Variants in EXOC5 observed in about 807,000 individuals in gnomAD.
EXOC5 encodes exocyst complex component 5.
A neutral mutation model predicts 90.8 loss-of-function variants in EXOC5; 17 were observed. The ratio of observed to expected loss-of-function variants is 0.19; its 90% confidence interval spans 0.13 to 0.28. EXOC5 has a LOEUF of 0.28. Among genes scored for constraint, EXOC5 ranks in the 10% least tolerant of loss-of-function variants. The pLI is 1.00. For missense variants in EXOC5, 569 were observed against 830.6 expected (o/e 0.69, Z 3.87); for synonymous variants, 260 against 270.0 (o/e 0.96, Z 0.36).
At chr14:57,249,613 G>C (rs1176246661) in intron 1 of EXOC5, among the ~76,000 whole-genome samples, 1 of 151,850 alleles carries the variant, frequency 6.6e-6, no homozygotes, top group East Asian at 1.9e-4. Flanking sequence ...CCAGGAAATA[G>C]TAAAAAAAGG....
chr14:57,235,425 G>A (rs1420749077), intron 7 of EXOC5, among the ~76,000 whole-genome samples: 2 of 151,802 alleles, frequency 1.3e-5, no homozygotes, highest in Admixed American at 1.3e-4. Flanking sequence ...AAGCAAAAAG[G>A]CAGACAATAT....
intron 1 of EXOC5, among the ~76,000 whole-genome samples, chr14:57,247,914 G>A (rs1884076821): frequency 6.6e-6 from 1 of 151,690 alleles, no homozygotes; most frequent in Admixed American, 6.6e-5. Flanking sequence ...TGAAAATTAG[G>A]ATATTAAAAT....
At position 57,225,011 on chromosome 14, in the gene EXOC5, G is replaced by A. The variant is rs184891008; in HGVS notation, c.1297-2595C>T. Among the ~76,000 whole-genome samples the A allele has an allele frequency of 5.6e-3, 847 of 152,104 alleles. 4 individuals are homozygous for A. Among genetic ancestry groups the A allele is most frequent in the Middle Eastern group, 0.01 (3 of 294 alleles). ...GAAGAGGAGGAGGTTGCAGTGAGCC[G>A]AGATCGTGCCACTGCACTCCAGCCT... On this transcript the variant is annotated intron_variant, in intron 12 of 17. Coordinates refer to ENST00000621441, the MANE Select transcript of EXOC5 (RefSeq NM_006544.4).
intron 3 of EXOC5, 24 bp downstream of exon 3, chr14:57,246,686 AC>A (rs761726691): frequency 6.3e-7 from 1 of 1,589,288 alleles, no homozygotes; most frequent in South Asian, 1.1e-5. Flanking sequence ...TATATAAAAT[AC>A]CCATTTCTTA....
chr14:57,259,440 G>A (rs1884437595), intron 1 of EXOC5, among the ~76,000 whole-genome samples: 1 of 151,952 alleles, frequency 6.6e-6, no homozygotes, highest in Non-Finnish European at 1.5e-5. Flanking sequence ...TTCTTATCTT[G>A]TACCACCTAC....
intron 1 of EXOC5, among the ~76,000 whole-genome samples, chr14:57,251,022 T>C (rs961639341): frequency 1.3e-5 from 2 of 152,304 alleles, no homozygotes; most frequent in Non-Finnish European, 2.9e-5. Context: ...TCTGGGAAGA[T>C]GGTGGAGTAA....
At chr14:57,219,675 A>G (rs1357543723) in intron 13 of EXOC5, among the ~76,000 whole-genome samples, 2 of 152,152 alleles carry the variant, frequency 1.3e-5, no homozygotes, top group African/African-American at 4.8e-5. Flanking sequence ...CTTAGCCTTC[A>G]TGATTCACGT....
chr14:57,208,828 GAAACA>G (rs1352340805), intron 17 of EXOC5, 31 bp from the exon 18 acceptor site: 60 of 1,425,364 alleles, frequency 4.2e-5, no homozygotes, highest in Non-Finnish European at 5.6e-5. Context: ...AAGTAACATT[GAAACA>G]AAACAATTTC....
Position 57,219,344 on chromosome 14 carries a change from C to T in EXOC5, c.1504G>A (p.Asp502Asn). 1 of 1,530,472 alleles carries T rather than the reference C, an allele frequency of 6.5e-7. No individual in the cohort carries two copies. The highest frequency in any genetic ancestry group is 8.8e-7 in the Non-Finnish European group (1 of 1,131,972). 94.8% of individuals were successfully genotyped at this position (1,530,472 alleles called of 1,614,324 possible). A position where few individuals can be genotyped will look rare whatever the true frequency, so the allele number is the denominator to read the frequency against. The change falls in exon 14 of 18, where the codon GAT (aspartate) becomes AAT (asparagine). Residue 502 changes from aspartate (D) to asparagine (N), a missense_variant. By Grantham distance (23) the Asp-to-Asn change is conservative (BLOSUM62 1). Transcript: ENST00000621441. ...IFHLFDKQFN[D>N]HLMPLISSSP... ...AACCTTATTAGTGGCATAAGGTGAT[C>T]ATTAAACTGTTTGTCAAAAAGATGA...
In EXOC5 at chr14:57,209,941, G is replaced by A. The variant is rs1255755117; in HGVS notation, c.1722+12C>T. 1 of 1,349,764 alleles carries A rather than the reference G, an allele frequency of 7.4e-7. No homozygotes were observed. The highest frequency in any genetic ancestry group is 1.1e-6 in the Non-Finnish European group (1 of 951,468). 83.6% of individuals were successfully genotyped at this position (1,349,764 alleles called of 1,614,324 possible). ...TTAACAAAGTATTAACAAACTGAAT[G>A]ATTTTACTCACATTAGTATATTGAA... On this transcript the variant is annotated intron_variant, in intron 16 of 17. Transcript: ENST00000621441.
chr14:57,253,504 C>T (rs1731941379), intron 1 of EXOC5, among the ~76,000 whole-genome samples: 1 of 152,092 alleles, frequency 6.6e-6, no homozygotes, highest in African/African-American at 2.4e-5. Context: ...TGTGAATATC[C>T]CAATGACTTT....
intron 15 of EXOC5, among the ~76,000 whole-genome samples, 185 bp from the exon 16 acceptor site, chr14:57,210,246 T>C (rs767087260): frequency 6.6e-6 from 1 of 152,220 alleles, no homozygotes; most frequent in Non-Finnish European, 1.5e-5. Context: ...AAAGAGCTCT[T>C]GGTTTTATTA....
chr14:57,235,659 A>T, intron 7 of EXOC5, 52 bp downstream of exon 7: 1 of 894,474 alleles, frequency 1.1e-6, no homozygotes, highest in Non-Finnish European at 1.8e-6. Flanking sequence ...TATAGAACTT[A>T]CGTAATTTCC....
intron 1 of EXOC5, 49 bp from the exon 2 acceptor site, chr14:57,247,761 T>A: frequency 1.1e-6 from 1 of 874,816 alleles, no homozygotes; most frequent in Non-Finnish European, 1.7e-6. Flanking sequence ...TACAAGTACT[T>A]AATATTACTT....
chr14:57,258,643 C>T (rs1018729655), intron 1 of EXOC5, among the ~76,000 whole-genome samples: 10 of 152,118 alleles, frequency 6.6e-5, no homozygotes, highest in Non-Finnish European at 1.2e-4. Flanking sequence ...ATGTGTATAC[C>T]TACGTAACAA....
chr14:57,223,739 C>T (rs979355766), intron 12 of EXOC5, among the ~76,000 whole-genome samples: 3 of 151,948 alleles, frequency 2.0e-5, no homozygotes, highest in Admixed American at 2.0e-4. Context: ...TTATACAATA[C>T]TCCATCCAAC....
chr14:57,217,490 T>C (rs1009764867), intron 15 of EXOC5, among the ~76,000 whole-genome samples: 3 of 152,156 alleles, frequency 2.0e-5, no homozygotes, highest in African/African-American at 4.8e-5. Flanking sequence ...TCAGTGATCT[T>C]TGATGTTACT....
chr14:57,242,693 A>G (rs1383366002), intron 4 of EXOC5, among the ~76,000 whole-genome samples: 1 of 152,114 alleles, frequency 6.6e-6, no homozygotes, highest in East Asian at 1.9e-4. Context: ...TTTTCTTTCC[A>G]TTGGGAAGGT....
At position 57,247,584 on chromosome 14, in the gene EXOC5, T is replaced by G. The variant is rs946022656; in HGVS notation, c.122+34A>C. ...ATTCTAACACTAATGTGTACCAGAT[T>G]AGATCTGTGGGGAAAAAAATTTTTT... On this transcript the variant is annotated intron_variant, in intron 2 of 17. Transcript: ENST00000621441. The G allele has an allele frequency of 8.0e-6, 8 of 998,212 alleles. No individual in the cohort carries two copies. In the Admixed American group the frequency reaches 9.1e-5, roughly 11 times the overall value. 61.8% of individuals were successfully genotyped at this position (998,212 alleles called of 1,614,324 possible). A position where few individuals can be genotyped will look rare whatever the true frequency, so the allele number is the denominator to read the frequency against.
Sources: gnomAD v4.1 joint callset for allele counts (sites outside exome capture counted in the v4.1 genomes callset) on GRCh38, gnomAD v4.1.1 for gene constraint, MANE v1.5 for transcripts, NCBI Gene and HGNC (gene_info 2026-07-23, HGNC 2026-07-21) for gene names.